MAGEC3: variants seen among roughly 807,000 people sequenced by gnomAD.
MAGEC3 encodes the protein melanoma-associated antigen C3.
In MAGEC3, 34 loss-of-function variants were observed where a neutral mutation model predicts 35.3. The observed-to-expected ratio is 0.96, with a 90% CI of 0.73 to 1.28. The LOEUF (loss-of-function observed/expected upper bound fraction) is 1.28. MAGEC3 is among the 50% of genes most tolerant of loss of function. The pLI is 0.00. For missense variants in MAGEC3, 561 were observed against 483.6 expected (o/e 1.16, Z -1.50); for synonymous variants, 202 against 185.6 (o/e 1.09, Z -0.72).
intron 1 of MAGEC3, among the ~76,000 whole-genome samples, chrX:141,857,850 A>G (rs1298856573): frequency 9.0e-6 from 1 of 111,042 alleles, no homozygotes; most frequent in Non-Finnish European, 1.9e-5. Context: ...ATTGTATTGC[A>G]CTCCAGTATA....
intron 1 of MAGEC3, among the ~76,000 whole-genome samples, chrX:141,841,609 G>A (rs2017686233): frequency 9.0e-6 from 1 of 111,678 alleles, no homozygotes; most frequent in Non-Finnish European, 1.9e-5. Context: ...AAGGGACTCA[G>A]CCTTGTCCAC....
At chrX:141,850,641 A>T (rs2017745637) in intron 1 of MAGEC3, among the ~76,000 whole-genome samples, 1 of 111,433 alleles carries the variant, frequency 9.0e-6, no homozygotes, top group Admixed American at 9.6e-5. Flanking sequence ...TCCAAAAATC[A>T]ACTTCACAAA....
chrX:141,866,163 T>C, intron 2 of MAGEC3, among the ~76,000 whole-genome samples: 1 of 112,138 alleles, frequency 8.9e-6, no homozygotes. Context: ...TGAGGAAGTC[T>C]AATATATCAT....
chrX:141,868,854 TTTTATTTATTTA>T (rs199761435), intron 2 of MAGEC3, among the ~76,000 whole-genome samples: 36 of 106,411 alleles, frequency 3.4e-4, no homozygotes, highest in African/African-American at 1.0e-3. Context: ...AAAATTTTTA[TTTTATTTATTTA>T]TTTATTTATT....
At chrX:141,871,043 T>G (rs764374586) in intron 2 of MAGEC3, among the ~76,000 whole-genome samples, 1 of 112,839 alleles carries the variant, frequency 8.9e-6, no homozygotes, top group African/African-American at 3.2e-5. Context: ...ACAACTTTTA[T>G]TTTTGCCTTA....
At chrX:141,852,100 CT>C (rs58227745) in intron 1 of MAGEC3, among the ~76,000 whole-genome samples, 1,157 of 80,264 alleles carry the variant, frequency 0.014, 11 homozygotes, top group African/African-American at 0.029. Flanking sequence ...TTGTTTAGGT[CT>C]TTTTTTTTTT....
At chrX:141,843,813 A>G (rs1035565164) in intron 1 of MAGEC3, among the ~76,000 whole-genome samples, 2 of 110,741 alleles carry the variant, frequency 1.8e-5, no homozygotes, top group African/African-American at 6.6e-5. Context: ...TCAAAAGAGT[A>G]TATATAAGTG....
At chrX:141,855,105 G>C (rs1012914214) in intron 1 of MAGEC3, among the ~76,000 whole-genome samples, 1 of 111,200 alleles carries the variant, frequency 9.0e-6, no homozygotes, top group Non-Finnish European at 1.9e-5. Context: ...CATTTGCTAA[G>C]TGGTAAGACA....
intron 4 of MAGEC3, among the ~76,000 whole-genome samples, chrX:141,890,263 G>T (rs1263204992): frequency 7.2e-5 from 8 of 111,234 alleles, no homozygotes; most frequent in Non-Finnish European, 1.5e-4. Flanking sequence ...GGAGTGTAGT[G>T]GTGTGAACTC....
chrX:141,879,217 G>C lies in MAGEC3; in HGVS notation c.301G>C (p.Asp101His), dbSNP rs764414657. The change falls in exon 3 of 8, where the codon GAC becomes CAC. Residue 101 changes from aspartate to histidine, a missense_variant. Coordinates refer to ENST00000298296, the MANE Select transcript of MAGEC3 (RefSeq NM_138702.1). ...LSGSPGLQLS[D>H]LHFGSQPEGK... is the part of the protein sequence containing the mutation. ...AGGGTCCCCAGGTTTACAACTTTCT[G>C]ACTTGCATTTTGGGAGTCAGCCGGA... 3 of 1,200,463 alleles carry C rather than the reference G, an allele frequency of 2.5e-6. No homozygotes were observed. Among genetic ancestry groups the C allele is most frequent in the Non-Finnish European group, 3.4e-6 (3 of 890,123 alleles).
At chrX:141,880,320 G>T (rs992038306) in intron 3 of MAGEC3, among the ~76,000 whole-genome samples, 2 of 110,796 alleles carry the variant, frequency 1.8e-5, no homozygotes, top group Non-Finnish European at 3.8e-5. Flanking sequence ...CCTGAGTTTT[G>T]GCTAGAAGAG....
At chrX:141,889,694 A>G (rs1456613498) in intron 4 of MAGEC3, among the ~76,000 whole-genome samples, 2 of 112,026 alleles carry the variant, frequency 1.8e-5, no homozygotes, top group Non-Finnish European at 3.8e-5. Flanking sequence ...GTCAATGGGA[A>G]ACTACAACAG....
rs766800463 is a variant in MAGEC3, at chrX:141,896,997, G to A, written c.1239G>A (p.Gln413=). 1.1e-4 allele frequency: 129 copies of A among 1,206,325 alleles called. 1 individual carries two copies. Among genetic ancestry groups the A allele is most frequent in the Middle Eastern group, 6.9e-4 (3 of 4,340 alleles). ...AGGGTCCTCCGCAGAGTCCTCCCCAGAGTCCTCTAGACTCCTGCTCATCCC... is the reference window on the plus strand; with the variant it reads ...AGGGTCCTCCGCAGAGTCCTCCCCAAAGTCCTCTAGACTCCTGCTCATCCC... The part of the protein sequence containing the change: ...SPQGPPQSPP[Q]SPLDSCSSPL... Residue 413 remains glutamine, a synonymous_variant, in exon 7 of 8, where the codon CAG becomes CAA. Transcript: ENST00000298296.
chrX:141,885,723 A>G (rs903065774), intron 4 of MAGEC3, among the ~76,000 whole-genome samples: 2 of 108,357 alleles, frequency 1.8e-5, no homozygotes, highest in Non-Finnish European at 3.8e-5. Context: ...TAGCTGAAAT[A>G]TGGATTAAAA....
At chrX:141,856,584 T>C (rs903597418) in intron 1 of MAGEC3, among the ~76,000 whole-genome samples, 1 of 111,297 alleles carries the variant, frequency 9.0e-6, no homozygotes, top group Non-Finnish European at 1.9e-5. Context: ...AAAAACTATA[T>C]CAATATGTTG....
chrX:141,839,658 G>GA, intron 1 of MAGEC3: 3 of 738,949 alleles, frequency 4.1e-6, no homozygotes, highest in Non-Finnish European at 4.8e-6. Flanking sequence ...TTATAAATAT[G>GA]AATTGTTTAT....
chrX:141,863,350 G>T lies in MAGEC3; in HGVS notation c.124-2121G>T, dbSNP rs986747504. Among the ~76,000 whole-genome samples, 3 of 111,106 alleles carry T rather than the reference G, an allele frequency of 2.7e-5. No individual in the cohort carries two copies. The Admixed American group carries it at 2.9e-4, about 11-fold the overall frequency. On this transcript the variant is annotated intron_variant, in intron 1 of 7. Transcript: ENST00000298296. ...GAGGGATGACTAGATGGGACACAGGGGCATTTTAGGACGGTGAAACGATTC... is the reference window on the plus strand; with the variant it reads ...GAGGGATGACTAGATGGGACACAGGTGCATTTTAGGACGGTGAAACGATTC...
chrX:141,897,340 A>G lies in MAGEC3; in HGVS notation c.1582A>G (p.Thr528Ala). Residue 528 changes from threonine (T) to alanine (A), a missense_variant, in exon 7 of 8, where the codon ACA becomes GCA. Coordinates refer to ENST00000298296, the MANE Select transcript of MAGEC3 (RefSeq NM_138702.1). ...PDNHSYFFEDTLDLTYEGSLI... is the reference protein window; with the variant it reads ...PDNHSYFFEDALDLTYEGSLI... ...CAACCACTCCTATTTCTTTGAAGAC[A>G]CATTAGACCTCACCTATGAGGGAAG... The G allele has an allele frequency of 8.3e-7, 1 of 1,211,933 alleles. No homozygotes were observed. The highest frequency in any genetic ancestry group is 1.8e-5 in the South Asian group (1 of 56,963).
intron 2 of MAGEC3, among the ~76,000 whole-genome samples, chrX:141,872,371 C>T (rs977009171): frequency 9.0e-6 from 1 of 111,177 alleles, no homozygotes; most frequent in African/African-American, 3.3e-5. Flanking sequence ...GTTTGTGACC[C>T]ATGTGAGCTG....
Sources: allele counts gnomAD v4.1 joint callset (sites outside exome capture counted in the v4.1 genomes callset), GRCh38; gene constraint gnomAD v4.1.1; transcripts MANE v1.5; gene names NCBI Gene and HGNC (gene_info 2026-07-23, HGNC 2026-07-21).